Variants in FOXN4 observed in about 807,000 individuals in gnomAD.
FOXN4 encodes forkhead box protein N4.
Under a neutral mutation model 45.0 loss-of-function variants are expected in FOXN4, and 12 were observed. That is an observed-to-expected ratio of 0.27 (90% CI 0.17 to 0.43). FOXN4 has a LOEUF of 0.43. Among genes scored for constraint, FOXN4 ranks in the 20% least tolerant of loss-of-function variants. The pLI, the probability that FOXN4 is intolerant of heterozygous loss-of-function variation, is 1.00. For synonymous variants in FOXN4, 297 were observed against 295.0 expected, an observed-to-expected ratio of 1.01 and a Z score of -0.07; for missense variants, 560 against 694.9, an observed-to-expected ratio of 0.81 and a Z score of 2.18.
At chr12:109,307,055 C>T (rs952572605) in intron 2 of FOXN4, among the ~76,000 whole-genome samples, 4 of 152,228 alleles carry the variant, frequency 2.6e-5, no homozygotes, top group African/African-American at 9.6e-5. Flanking sequence ...CAAACTGCCA[C>T]GTACCTGGCC....
chr12:109,308,736 A>G (rs1434676959), intron 1 of FOXN4, among the ~76,000 whole-genome samples: 1 of 152,076 alleles, frequency 6.6e-6, no homozygotes, highest in Non-Finnish European at 1.5e-5. Context: ...TGACATGTGT[A>G]TTTCTCTGGG....
chr12:109,307,909 G>A (rs1024094978), intron 2 of FOXN4, among the ~76,000 whole-genome samples: 10 of 152,066 alleles, frequency 6.6e-5, no homozygotes, highest in African/African-American at 2.4e-4. Context: ...ATTTCCCACA[G>A]CCCCCATTAA....
rs1412291197 is a variant in FOXN4, at chr12:109,291,700, G to A, written c.87-1414C>T. On this transcript the variant is annotated intron_variant, in intron 2 of 9. Coordinates refer to ENST00000299162, the MANE Select transcript of FOXN4 (RefSeq NM_213596.3). The surrounding 1 kb of genome is among the most constrained non-coding windows in gnomAD (Gnocchi z 6.6). ...CAGGGCCGGGCCCTGGGCCCACAAAGCTGGCATCAGGTGACTGCCTGGCTG... is the reference window on the plus strand; with the variant it reads ...CAGGGCCGGGCCCTGGGCCCACAAAACTGGCATCAGGTGACTGCCTGGCTG... Among the ~76,000 whole-genome samples, 1 of 152,046 alleles carries A rather than the reference G, an allele frequency of 6.6e-6. No individual in the cohort carries two copies. The highest frequency in any genetic ancestry group is 2.4e-5 in the African/African-American group (1 of 41,392).
At chr12:109,296,805 G>A (rs963137137) in intron 2 of FOXN4, among the ~76,000 whole-genome samples, 2 of 152,170 alleles carry the variant, frequency 1.3e-5, no homozygotes, top group African/African-American at 4.8e-5. Flanking sequence ...CAGCATTCTG[G>A]TTGCTCCACC....
intron 7 of FOXN4, among the ~76,000 whole-genome samples, chr12:109,286,406 C>G (rs777794391): frequency 5.9e-5 from 9 of 152,176 alleles, no homozygotes; most frequent in Non-Finnish European, 1.3e-4. Context: ...AGTCTGGTGC[C>G]TCTACCCTTT....
In FOXN4 at chr12:109,288,161, G is replaced by T; in HGVS notation, c.252C>A (p.Ala84=). 1 of 1,547,272 alleles carries T rather than the reference G, an allele frequency of 6.5e-7. No individual in the cohort carries two copies. The change falls in exon 4 of 10, where the codon GCC becomes GCA. Residue 84 remains alanine, a synonymous_variant. Transcript: ENST00000299162. The surrounding 1 kb of genome is among the most constrained non-coding windows in gnomAD (Gnocchi z 4.3). Reference sequence around the variant, plus strand: ...TTGGAGTGGCTCCCACATGCAGGTCGGCCACCCCAGCCAAGGCACCTGCCG... The same window carrying T: ...TTGGAGTGGCTCCCACATGCAGGTCTGCCACCCCAGCCAAGGCACCTGCCG... The part of the protein sequence containing the change: ...HPHPGALAGV[A]DLHVGATPSP...
In FOXN4 at chr12:109,287,642, T is replaced by G; in HGVS notation, c.469-118A>C. On this transcript the variant is annotated intron_variant, in intron 5 of 9. Transcript: ENST00000299162. This position sits in a 1 kb window ranked among gnomAD's most constrained non-coding sequence, Gnocchi z 4.1. ...AGTTTCAAAACACCTTGTGTGGGGA[T>G]TCACAACCGTCCAGGAAACAATCTT... 7.5e-7 allele frequency: 1 copy of G among 1,335,922 alleles called. No individual in the cohort carries two copies. Among genetic ancestry groups the G allele is most frequent in the Non-Finnish European group, 1.0e-6 (1 of 996,894 alleles). 82.8% of individuals were successfully genotyped at this position (1,335,922 alleles called of 1,614,324 possible).
chr12:109,304,491 G>A (rs1271055275), intron 2 of FOXN4, among the ~76,000 whole-genome samples: 2 of 152,160 alleles, frequency 1.3e-5, no homozygotes, highest in Non-Finnish European at 2.9e-5. Context: ...TTGAGCATGA[G>A]CCCTGTTTAC....
chr12:109,296,843 C>T (rs2136937588), intron 2 of FOXN4, among the ~76,000 whole-genome samples: 1 of 152,228 alleles, frequency 6.6e-6, no homozygotes, highest in East Asian at 1.9e-4. Flanking sequence ...AGCTGTCCCC[C>T]CATGGATGTG....
chr12:109,299,364 A>G (rs1478346227), intron 2 of FOXN4, among the ~76,000 whole-genome samples: 5 of 151,464 alleles, frequency 3.3e-5, no homozygotes, highest in African/African-American at 1.2e-4. Flanking sequence ...ATGTGTGCAC[A>G]CACACGTGCA....
chr12:109,295,028 A>AGGG (rs1014618860), intron 2 of FOXN4, among the ~76,000 whole-genome samples: 6 of 152,144 alleles, frequency 3.9e-5, no homozygotes, highest in African/African-American at 1.2e-4. Context: ...GGCCCTGGGG[A>AGGG]GGGCACTTAA....
Position 109,281,463 on chromosome 12 carries a change from T to C in FOXN4, c.1238A>G (p.Asp413Gly). ...GAGGGCATCCACCTCAGTGTTCATG[T>C]CGGTGCTGATGTTGATGAAGTCTAC... ...APVDFINIST[D>G]MNTEVDALDP... The change falls in exon 9 of 10, where the codon GAC becomes GGC. Residue 413 changes from aspartate to glycine, a missense_variant. Physicochemically the swap from Asp to Gly is moderately conservative, Grantham distance 94. Around this residue, in one of 5 missense-constraint regions of FOXN4, gnomAD observed 315 missense variants for 350.5 expected, o/e 0.90. Coordinates refer to ENST00000299162, the MANE Select transcript of FOXN4 (RefSeq NM_213596.3). 2 of 1,613,994 alleles carry C rather than the reference T, an allele frequency of 1.2e-6. No homozygotes were observed. The highest frequency in any genetic ancestry group is 2.7e-5 in the African/African-American group (2 of 75,028).
chr12:109,279,807 T>C lies in FOXN4; in HGVS notation c.1418A>G (p.Asp473Gly). The C allele has an allele frequency of 6.2e-7, 1 of 1,611,568 alleles. No homozygotes were observed. Among genetic ancestry groups the C allele is most frequent in the Non-Finnish European group, 8.5e-7 (1 of 1,178,840 alleles). The change falls in exon 10 of 10, where the codon GAC becomes GGC. Residue 473 changes from aspartate (D) to glycine (G), a missense_variant. Transcript: ENST00000299162. ...SGLTPASGGS[D>G]QSFPDLQVTG... ...CACCTGCAAGTCTGGGAAGGACTGG[T>C]CGCTGCCACCCGAGGCAGGGGTTAG... is the stretch of plus-strand genomic sequence containing the variant.
chr12:109,279,821 G>A lies in FOXN4; in HGVS notation c.1404C>T (p.Ala468=), dbSNP rs1340717470. The A allele has an allele frequency of 6.2e-7, 1 of 1,613,220 alleles. No individual in the cohort carries two copies. Among genetic ancestry groups the A allele is most frequent in the Non-Finnish European group, 8.5e-7 (1 of 1,179,546 alleles). Residue 468 remains alanine, a synonymous_variant, in exon 10 of 10, where the codon GCC becomes GCT. Coordinates refer to ENST00000299162, the MANE Select transcript of FOXN4 (RefSeq NM_213596.3). ...GGAAGGACTGGTCGCTGCCACCCGA[G>A]GCAGGGGTTAGGCCTGAGGCCCCCA... ...CDLGASGLTP[A]SGGSDQSFPD...
intron 2 of FOXN4, among the ~76,000 whole-genome samples, chr12:109,293,349 G>A (rs762631195): frequency 5.9e-5 from 9 of 151,930 alleles, no homozygotes; most frequent in Non-Finnish European, 1.0e-4. Context: ...CAAGCACAGG[G>A]ACCCACTCTG....
At chr12:109,304,310 G>C (rs1474692527) in intron 2 of FOXN4, among the ~76,000 whole-genome samples, 2 of 150,006 alleles carry the variant, frequency 1.3e-5, no homozygotes, top group African/African-American at 4.9e-5. Context: ...AAGAAAGAAG[G>C]AAAGAAGGAA....
At chr12:109,284,884 G>T (rs1273504213) in intron 8 of FOXN4, among the ~76,000 whole-genome samples, 1 of 134,682 alleles carries the variant, frequency 7.4e-6, no homozygotes, top group African/African-American at 3.0e-5. Flanking sequence ...GTGTGTGCAC[G>T]CATGTGTGTA....
rs2094765058 is a variant in FOXN4 at position 109,278,668 on chromosome 12, C to G, written c.*1003G>C. The G allele has an allele frequency of 6.6e-6, 1 of 152,162 alleles. No individual in the cohort carries two copies. The highest frequency in any genetic ancestry group is 1.5e-5 in the Non-Finnish European group (1 of 68,062). The allele number at this position is 152,162 out of a possible 1,614,324, so 9.4% of individuals were successfully genotyped here. A position where few individuals can be genotyped will look rare whatever the true frequency, so the allele number is the denominator to read the frequency against. ...AAAAGCACCCCCCTCCAGTTCCTCC[C>G]TCTCCCATCGCATTTTCCCCTTTGA... On this transcript the variant is annotated 3_prime_UTR_variant, in exon 10 of 10. Transcript: ENST00000299162.
In FOXN4 at chr12:109,281,579, G is replaced by T. The variant is rs1263911112; in HGVS notation, c.1122C>A (p.Asp374Glu). Reference protein sequence around the residue: ...QVQPQAHLAPDSPAPAQTPPL... With the variant: ...QVQPQAHLAPESPAPAQTPPL... ...GCGGGGTCTGGGCTGGTGCTGGAGAGTCTGGAGCAAGATGTGCCTGGGGCT... is the reference window on the plus strand; with the variant it reads ...GCGGGGTCTGGGCTGGTGCTGGAGATTCTGGAGCAAGATGTGCCTGGGGCT... The change falls in exon 9 of 10, where the codon GAC becomes GAA. Residue 374 changes from aspartate to glutamate, a missense_variant. Asp to Glu is a conservative substitution (Grantham distance 45). Coordinates refer to ENST00000299162, the MANE Select transcript of FOXN4 (RefSeq NM_213596.3). 4 of 1,606,892 alleles carry T rather than the reference G, an allele frequency of 2.5e-6. No homozygotes were observed. The African/African-American group carries it at 5.3e-5, about 21-fold the overall frequency.
Sources: gnomAD v4.1 joint callset for allele counts (sites outside exome capture counted in the v4.1 genomes callset) on GRCh38, gnomAD v4.1.1 for gene constraint, gnomAD v4.1.1 regional missense constraint, Gnocchi (gnomAD v3.1) non-coding constraint, MANE v1.5 for transcripts, NCBI Gene and HGNC (gene_info 2026-07-23, HGNC 2026-07-21) for gene names.